The following CSMD1 variants were observed in gnomAD, a reference collection of about 807,000 sequenced individuals.
CSMD1 encodes CUB and Sushi multiple domains 1, also known as CUB and sushi domain-containing protein 1.
In CSMD1, 213 loss-of-function variants were observed where a neutral mutation model predicts 417.5. That is an observed-to-expected ratio of 0.51 (90% confidence interval 0.46 to 0.57). The LOEUF (loss-of-function observed/expected upper bound fraction) is 0.57. Among genes scored for constraint, CSMD1 ranks in the 20% least tolerant of loss-of-function variants. The probability of loss-of-function intolerance (pLI) is 0.00; values close to 1 mark genes in which losing one functional copy is unlikely to be tolerated. For synonymous variants in CSMD1, 2,862 were observed against 1,736.8 expected (o/e 1.65, Z -16.11); for missense variants, 6,923 against 4,529.7 (o/e 1.53, Z -15.17).
chr8:4,243,783 A>C (rs979326051), intron 3 of CSMD1, among the ~76,000 whole-genome samples: 1 of 152,248 alleles, frequency 6.6e-6, no homozygotes, highest in African/African-American at 2.4e-5. Context: ...CGAGGAAAGA[A>C]AGAAAAGCAA....
intron 2 of CSMD1, among the ~76,000 whole-genome samples, chr8:4,444,732 A>C (rs928927073): frequency 6.6e-6 from 1 of 152,198 alleles, no homozygotes; most frequent in African/African-American, 2.4e-5. Context: ...GAAAATAATG[A>C]GGTAAAATGA....
At chr8:3,314,887 T>G (rs996969265) in intron 23 of CSMD1, among the ~76,000 whole-genome samples, 1 of 152,254 alleles carries the variant, frequency 6.6e-6, no homozygotes, top group African/African-American at 2.4e-5. Flanking sequence ...TACATTAGGC[T>G]GAACAACGAG....
chr8:4,123,033 T>C (rs1464990921), intron 3 of CSMD1, among the ~76,000 whole-genome samples: 2 of 152,224 alleles, frequency 1.3e-5, no homozygotes. Flanking sequence ...AATCAGAGAC[T>C]GGAATTTTTC....
intron 12 of CSMD1, among the ~76,000 whole-genome samples, chr8:3,465,386 T>G (rs1263460296): frequency 6.6e-6 from 1 of 152,136 alleles, no homozygotes; most frequent in African/African-American, 2.4e-5. Context: ...AAATCTCACA[T>G]ATGCCCAAGC....
intron 2 of CSMD1, among the ~76,000 whole-genome samples, chr8:4,597,015 C>T (rs1800318987): frequency 1.3e-5 from 2 of 152,180 alleles, no homozygotes. Flanking sequence ...GGCCTCCCAG[C>T]CATGTAGAAC....
intron 1 of CSMD1, among the ~76,000 whole-genome samples, chr8:4,757,442 C>T (rs1049018666): frequency 6.6e-6 from 1 of 152,110 alleles, no homozygotes; most frequent in African/African-American, 2.4e-5. Flanking sequence ...TCCTGGAGAG[C>T]AGGAAGGTTA....
At chr8:4,735,395 C>A (rs2116977084) in intron 1 of CSMD1, among the ~76,000 whole-genome samples, 1 of 152,288 alleles carries the variant, frequency 6.6e-6, no homozygotes, top group Admixed American at 6.5e-5. Flanking sequence ...AATTTATCTG[C>A]CCCAAATAAC....
chr8:3,828,717 C>G (rs1376642486), intron 5 of CSMD1, among the ~76,000 whole-genome samples: 1 of 152,148 alleles, frequency 6.6e-6, no homozygotes, highest in Non-Finnish European at 1.5e-5. Flanking sequence ...AGTTTGGAGC[C>G]TTTCTGCAAG....
intron 3 of CSMD1, among the ~76,000 whole-genome samples, chr8:4,056,706 C>T (rs1042143033): frequency 1.3e-5 from 2 of 151,788 alleles, no homozygotes; most frequent in African/African-American, 2.4e-5. Context: ...CCACAACAGG[C>T]CCTGGTGTGT....
At chr8:4,690,620 G>T (rs566968564) in intron 1 of CSMD1, among the ~76,000 whole-genome samples, 2 of 152,186 alleles carry the variant, frequency 1.3e-5, no homozygotes, top group Admixed American at 1.3e-4. Flanking sequence ...TCAGTCATGT[G>T]AATACAGTTA....
At chr8:3,899,963 C>T (rs986016812) in intron 5 of CSMD1, among the ~76,000 whole-genome samples, 28 of 152,250 alleles carry the variant, frequency 1.8e-4, no homozygotes, top group Non-Finnish European at 2.9e-5. Context: ...GGTAGTTGCT[C>T]TCCACTGGGC....
At chr8:3,530,032 C>T (rs1797913292) in intron 10 of CSMD1, among the ~76,000 whole-genome samples, 1 of 152,100 alleles carries the variant, frequency 6.6e-6, no homozygotes, top group South Asian at 2.1e-4. Flanking sequence ...GAAGAATGAG[C>T]CGTGAGTATA....
At chr8:3,187,798 G>A (rs1331254146) in intron 36 of CSMD1, 71 bp downstream of exon 36, 2 of 1,119,024 alleles carry the variant, frequency 1.8e-6, no homozygotes, top group Non-Finnish European at 2.7e-6. Context: ...AGTGTTTGCT[G>A]TTATTTATGT....
intron 5 of CSMD1, among the ~76,000 whole-genome samples, chr8:3,799,347 T>G (rs1251768559): frequency 6.0e-5 from 9 of 150,604 alleles, no homozygotes; most frequent in Non-Finnish European, 1.3e-4. Flanking sequence ...GCTGCACCCA[T>G]TAACTCGTCA....
At chr8:4,579,279 G>T (rs952591276) in intron 2 of CSMD1, among the ~76,000 whole-genome samples, 2 of 149,524 alleles carry the variant, frequency 1.3e-5, no homozygotes, top group Non-Finnish European at 3.0e-5. Context: ...ATATATATAT[G>T]TATATATATA....
intron 5 of CSMD1, among the ~76,000 whole-genome samples, chr8:3,978,443 C>T (rs1012177033): frequency 6.6e-6 from 1 of 152,040 alleles, no homozygotes; most frequent in Non-Finnish European, 1.5e-5. Context: ...TGGAACCTAC[C>T]TACCAATACA....
chr8:3,556,388 A>G (rs1190878409), intron 10 of CSMD1, among the ~76,000 whole-genome samples: 1 of 47,154 alleles, frequency 2.1e-5, no homozygotes. Context: ...AATTTATAAT[A>G]ATTAATATAT....
At chr8:3,300,802 A>G (rs1338905841) in intron 25 of CSMD1, among the ~76,000 whole-genome samples, 1 of 141,554 alleles carries the variant, frequency 7.1e-6, no homozygotes, top group African/African-American at 2.9e-5. Context: ...CTAAAAATAC[A>G]AAAAAAATTA....
At chr8:4,003,942 GAACAA>G (rs72052422) in intron 4 of CSMD1, among the ~76,000 whole-genome samples, 56,692 of 151,314 alleles carry the variant, frequency 0.37, 10,637 homozygotes, top group South Asian at 0.45. Flanking sequence ...TTAGAAAACA[GAACAA>G]AACAAAAAAA....
Sources: allele counts gnomAD v4.1 joint callset (sites outside exome capture counted in the v4.1 genomes callset), GRCh38; gene constraint gnomAD v4.1.1; transcripts MANE v1.5; gene names NCBI Gene and HGNC (gene_info 2026-07-23, HGNC 2026-07-21).